The following TNIP3 variants were observed in gnomAD, a reference collection of about 807,000 sequenced individuals.
TNIP3 encodes the protein TNFAIP3-interacting protein 3.
A neutral mutation model predicts 54.1 loss-of-function variants in TNIP3; 34 were observed. The observed-to-expected ratio is 0.63, with a 90% confidence interval of 0.48 to 0.84. The LOEUF is 0.84. TNIP3 is among the 40% of genes least tolerant of loss of function. TNIP3 has a pLI of 0.00. For synonymous variants in TNIP3, 134 were observed against 136.8 expected, an observed-to-expected ratio of 0.98 and a Z score of 0.14; for missense variants, 366 against 387.6, an observed-to-expected ratio of 0.94 and a Z score of 0.47.
intron 2 of TNIP3, among the ~76,000 whole-genome samples, chr4:121,212,899 T>C (rs150919074): frequency 1.3e-5 from 2 of 152,300 alleles, no homozygotes; most frequent in African/African-American, 4.8e-5. Flanking sequence ...CATTTTAGTT[T>C]TCACTTAGCA....
At chr4:121,169,786 G>A (rs1330296735) in intron 3 of TNIP3, among the ~76,000 whole-genome samples, 1 of 152,114 alleles carries the variant, frequency 6.6e-6, no homozygotes, top group African/African-American at 2.4e-5. Flanking sequence ...CGGGGAATGG[G>A]GTGTCACAGA....
chr4:121,138,269 A>G (rs1728907859), intron 10 of TNIP3, among the ~76,000 whole-genome samples: 1 of 152,084 alleles, frequency 6.6e-6, no homozygotes, highest in African/African-American at 2.4e-5. Flanking sequence ...AGCAAACTCA[A>G]CCTGGAATAG....
intron 5 of TNIP3, among the ~76,000 whole-genome samples, chr4:121,153,899 A>G (rs1729915732): frequency 1.3e-5 from 2 of 152,158 alleles, no homozygotes; most frequent in South Asian, 2.1e-4. Context: ...TATGTTCCAC[A>G]TATGGGTTGG....
At chr4:121,216,508 A>G (rs1726800776) in intron 1 of TNIP3, 5 of 1,534,864 alleles carry the variant, frequency 3.3e-6, no homozygotes, top group African/African-American at 2.7e-5. Context: ...AATCTAAAAT[A>G]AAAAAATATG....
At chr4:121,226,328 T>C (rs2148856445) in intron 1 of TNIP3, among the ~76,000 whole-genome samples, 1 of 152,318 alleles carries the variant, frequency 6.6e-6, no homozygotes, top group Admixed American at 6.5e-5. Flanking sequence ...TGTTTTTCTC[T>C]TCTAGACTTT....
intron 2 of TNIP3, among the ~76,000 whole-genome samples, chr4:121,193,111 A>G (rs949643951): frequency 1.3e-5 from 2 of 152,226 alleles, no homozygotes; most frequent in African/African-American, 4.8e-5. Flanking sequence ...CATCTCTAAC[A>G]AAACTAATGC....
rs565190592 is a variant in TNIP3, at chr4:121,132,504, A to G, written c.*127T>C. 2 of 842,544 alleles carry G rather than the reference A, an allele frequency of 2.4e-6. No homozygotes were observed. The highest frequency in any genetic ancestry group is 3.8e-6 in the Non-Finnish European group (2 of 526,732). The allele number at this position is 842,544 out of a possible 1,614,324, so 52.2% of individuals were successfully genotyped here. On this transcript the variant is annotated 3_prime_UTR_variant, in exon 11 of 11. Coordinates refer to ENST00000057513, the MANE Select transcript of TNIP3 (RefSeq NM_024873.6). Reference sequence around the variant, plus strand: ...TGTATTCATACCAAAGGAAAACATGACCAGGCACAAATAACAGGGTAGATG... The same window carrying G: ...TGTATTCATACCAAAGGAAAACATGGCCAGGCACAAATAACAGGGTAGATG...
intron 2 of TNIP3, among the ~76,000 whole-genome samples, chr4:121,189,931 C>T (rs1018409346): frequency 2.6e-5 from 4 of 152,172 alleles, no homozygotes; most frequent in Admixed American, 1.3e-4. Flanking sequence ...TAGATCCAAA[C>T]CTCTTGTGGC....
chr4:121,200,355 A>G (rs887225072), intron 2 of TNIP3, among the ~76,000 whole-genome samples: 1 of 152,166 alleles, frequency 6.6e-6, no homozygotes, highest in Non-Finnish European at 1.5e-5. Flanking sequence ...CAAAAACTTT[A>G]TAGTAGGGCC....
chr4:121,182,762 C>A, exon 3 of TNIP3: 1 of 1,534,132 alleles, frequency 6.5e-7, no homozygotes, highest in Non-Finnish European at 8.7e-7. Context: ...TCAATCAGAT[C>A]CTGGATTTTT....
At chr4:121,161,907 C>T (rs1001819106) in intron 1 of TNIP3, among the ~76,000 whole-genome samples, 1 of 152,130 alleles carries the variant, frequency 6.6e-6, no homozygotes, top group South Asian at 2.1e-4. Flanking sequence ...AAGCTGTCTG[C>T]CATCTGCCTA....
At chr4:121,172,146 C>T (rs139269346) in intron 3 of TNIP3, among the ~76,000 whole-genome samples, 318 of 152,330 alleles carry the variant, frequency 2.1e-3, no homozygotes, top group African/African-American at 7.3e-3. Context: ...AGGGAAGGTA[C>T]AAGCCTTGAA....
At chr4:121,216,691 T>A (rs1167087254), upstream of TNIP3, 1 of 1,346,370 alleles carries the variant, frequency 7.4e-7, no homozygotes, top group Non-Finnish European at 9.7e-7. Context: ...TCTGCCTAGT[T>A]TCAATGAAAG....
chr4:121,137,023 AT>A (rs1433658284), intron 10 of TNIP3, among the ~76,000 whole-genome samples: 1 of 152,188 alleles, frequency 6.6e-6, no homozygotes, highest in Non-Finnish European at 1.5e-5. Context: ...TGACTACAAC[AT>A]TTCATTATTG....
intron 1 of TNIP3, among the ~76,000 whole-genome samples, 198 bp downstream of exon 1, chr4:121,163,862 C>T (rs527469946): frequency 2.8e-4 from 43 of 152,078 alleles, no homozygotes; most frequent in African/African-American, 9.4e-4. Flanking sequence ...ATTTAAGCCC[C>T]GTGGGTTAAA....
intron 2 of TNIP3, among the ~76,000 whole-genome samples, chr4:121,199,419 G>A (rs149649048): frequency 1.3e-5 from 2 of 152,122 alleles, no homozygotes; most frequent in Admixed American, 1.3e-4. Flanking sequence ...TATGTTTCTA[G>A]CCCAGAAATA....
At chr4:121,153,543 TTCTG>T (rs1366364538) in intron 5 of TNIP3, among the ~76,000 whole-genome samples, 1 of 152,230 alleles carries the variant, frequency 6.6e-6, no homozygotes, top group Non-Finnish European at 1.5e-5. Context: ...AGCATGGTTT[TTCTG>T]TCTTAGAGGA....
At chr4:121,152,241 T>C (rs1167115641) in intron 5 of TNIP3, among the ~76,000 whole-genome samples, 1 of 152,084 alleles carries the variant, frequency 6.6e-6, no homozygotes, top group Admixed American at 6.6e-5. Context: ...AAAATCAACA[T>C]TTTGAGTAAC....
chr4:121,142,841 C>G, intron 7 of TNIP3, 65 bp from the exon 8 acceptor site: 2 of 1,411,852 alleles, frequency 1.4e-6, no homozygotes, highest in South Asian at 2.4e-5. Flanking sequence ...CCAAGCCACT[C>G]TTGACCTACT....
Sources: gnomAD v4.1 joint callset for allele counts (sites outside exome capture counted in the v4.1 genomes callset) on GRCh38, gnomAD v4.1.1 for gene constraint, MANE v1.5 for transcripts, NCBI Gene and HGNC (gene_info 2026-07-23, HGNC 2026-07-21) for gene names.